The following C8orf34 variants were observed in gnomAD, a reference collection of about 807,000 sequenced individuals.
The protein encoded by C8orf34 is chromosome 8 open reading frame 34.
Under a neutral mutation model 68.3 loss-of-function variants are expected in C8orf34, and 65 were observed. The observed-to-expected ratio is 0.95, with a 90% CI of 0.78 to 1.17. C8orf34 has a LOEUF of 1.17. C8orf34 is among the 50% of genes most tolerant of loss of function. C8orf34 has a pLI of 0.00. For missense variants in C8orf34, 664 were observed against 655.4 expected (o/e 1.01, Z -0.14); for synonymous variants, 244 against 241.2 (o/e 1.01, Z -0.11).
chr8:68,409,491 A>T (rs1809352902), intron 1 of C8orf34, among the ~76,000 whole-genome samples: 1 of 152,208 alleles, frequency 6.6e-6, no homozygotes, highest in Non-Finnish European at 1.5e-5. Flanking sequence ...ATAGAAGCTT[A>T]TAGAATAAGG....
intron 8 of C8orf34, among the ~76,000 whole-genome samples, chr8:68,684,630 G>A (rs910074716): frequency 6.6e-6 from 1 of 152,058 alleles, no homozygotes; most frequent in Non-Finnish European, 1.5e-5. Flanking sequence ...TATGATTTCT[G>A]AGAATAATTT....
At chr8:68,426,874 A>AAAACT (rs1554546991) in intron 1 of C8orf34, among the ~76,000 whole-genome samples, 2 of 150,958 alleles carry the variant, frequency 1.3e-5, no homozygotes, top group African/African-American at 4.9e-5. Context: ...CGTCTAAAAA[A>AAAACT]AAACCAAACC....
intron 7 of C8orf34, chr8:68,534,395 C>A: frequency 1.1e-6 from 1 of 904,594 alleles, no homozygotes; most frequent in Non-Finnish European, 1.3e-6. Flanking sequence ...AAGCACTTGG[C>A]TGGGGTCTGG....
intron 12 of C8orf34, among the ~76,000 whole-genome samples, chr8:68,800,428 T>G (rs1054730403): frequency 2.4e-4 from 36 of 152,192 alleles, no homozygotes; most frequent in African/African-American, 8.7e-4. Flanking sequence ...AGACCAATAG[T>G]GCAGCCTAGC....
intron 7 of C8orf34, among the ~76,000 whole-genome samples, chr8:68,579,295 A>C (rs1816994483): frequency 6.6e-6 from 1 of 152,178 alleles, no homozygotes; most frequent in Admixed American, 6.6e-5. Context: ...AGAATTTAAA[A>C]ATTTGCTTTT....
intron 8 of C8orf34, among the ~76,000 whole-genome samples, chr8:68,700,356 T>C (rs1444978591): frequency 1.3e-5 from 2 of 151,982 alleles, no homozygotes; most frequent in Non-Finnish European, 2.9e-5. Context: ...AGGTGTCAAG[T>C]TGGAATGATC....
At chr8:68,433,191 G>T (rs1290528363) in intron 1 of C8orf34, among the ~76,000 whole-genome samples, 2 of 152,218 alleles carry the variant, frequency 1.3e-5, no homozygotes, top group East Asian at 3.9e-4. Flanking sequence ...TTTTAATAGA[G>T]ACCTGATAAA....
intron 5 of C8orf34, among the ~76,000 whole-genome samples, chr8:68,490,718 C>T (rs1200818202): frequency 6.6e-6 from 1 of 151,864 alleles, no homozygotes; most frequent in East Asian, 1.9e-4. Flanking sequence ...AAAAAAAAAT[C>T]GACCCCACTT....
intron 12 of C8orf34, 74 bp downstream of exon 12, chr8:68,787,610 C>A: frequency 3.9e-5 from 38 of 980,216 alleles, no homozygotes; most frequent in East Asian, 5.7e-5. Context: ...ATTTCACTTT[C>A]ATAGCAATAA....
chr8:68,452,912 T>C (rs1011343383), intron 3 of C8orf34, among the ~76,000 whole-genome samples: 1 of 151,786 alleles, frequency 6.6e-6, no homozygotes, highest in African/African-American at 2.4e-5. Flanking sequence ...TACATGTGGG[T>C]AGTTGTTCCA....
At chr8:68,678,778 G>A (rs1820271330) in intron 8 of C8orf34, among the ~76,000 whole-genome samples, 1 of 146,206 alleles carries the variant, frequency 6.8e-6, no homozygotes, top group Non-Finnish European at 1.5e-5. Flanking sequence ...AAGGGAATCT[G>A]AATTGGAAAG....
intron 13 of C8orf34, among the ~76,000 whole-genome samples, chr8:68,817,539 T>G (rs1005856298): frequency 1.3e-5 from 2 of 152,084 alleles, no homozygotes; most frequent in African/African-American, 4.8e-5. Context: ...AAGATGGAGA[T>G]TGAAGGTCTT....
At chr8:68,621,395 G>T (rs1818384658) in intron 7 of C8orf34, among the ~76,000 whole-genome samples, 1 of 152,124 alleles carries the variant, frequency 6.6e-6, no homozygotes, top group South Asian at 2.1e-4. Context: ...ATTGTGGTTT[G>T]AATTTAAGAC....
chr8:68,488,882 G>T (rs1401583932), intron 5 of C8orf34, among the ~76,000 whole-genome samples: 1 of 151,964 alleles, frequency 6.6e-6, no homozygotes, highest in Non-Finnish European at 1.5e-5. Context: ...ACCCCAAAGA[G>T]TCTTGATTTA....
Position 68,528,934 on chromosome 8 carries a change from T to C in C8orf34, c.939-4049T>C, listed in dbSNP as rs530331265. On this transcript the variant is annotated intron_variant, in intron 6 of 13. Coordinates refer to ENST00000518698, the MANE Select transcript of C8orf34 (RefSeq NM_052958.4). ...GGTTTTCTGCTCTTCCCTATGGCTA[T>C]GGGTGAGTCACTCATGCTCCGCCTA... is the stretch of plus-strand genomic sequence containing the variant. Among the ~76,000 whole-genome samples, 6 of 152,330 alleles carry C rather than the reference T, an allele frequency of 3.9e-5. No individual in the cohort carries two copies. The East Asian group carries it at 5.8e-4, about 15-fold the overall frequency.
At chr8:68,333,637 G>A (rs7818147) in intron 1 of C8orf34, among the ~76,000 whole-genome samples, 62,065 of 151,994 alleles carry the variant, frequency 0.41, 12,855 homozygotes, top group Non-Finnish European at 0.44. Flanking sequence ...CCTAGAGACC[G>A]TCCATTCTCT....
chr8:68,624,910 C>CTTT (rs5892154), intron 7 of C8orf34, among the ~76,000 whole-genome samples: 7 of 143,708 alleles, frequency 4.9e-5, no homozygotes, highest in African/African-American at 1.0e-4. Context: ...TAATTTCTTG[C>CTTT]TTTTTTTTTT....
chr8:68,598,254 C>A (rs1817602009), intron 7 of C8orf34, among the ~76,000 whole-genome samples: 1 of 152,146 alleles, frequency 6.6e-6, no homozygotes, highest in African/African-American at 2.4e-5. Context: ...GGCTTCCACT[C>A]TCCTTTGTAG....
At chr8:68,675,244 TAGTA>T (rs572647403) in intron 8 of C8orf34, among the ~76,000 whole-genome samples, 11 of 152,052 alleles carry the variant, frequency 7.2e-5, no homozygotes, top group Non-Finnish European at 1.5e-4. Flanking sequence ...TCACTGGTAA[TAGTA>T]AGTACACAGA....
Sources: gnomAD v4.1 joint callset for allele counts (sites outside exome capture counted in the v4.1 genomes callset) on GRCh38, gnomAD v4.1.1 for gene constraint, MANE v1.5 for transcripts, NCBI Gene and HGNC (gene_info 2026-07-23, HGNC 2026-07-21) for gene names.